EPHB1: variants seen among roughly 807,000 people sequenced by gnomAD.
The protein encoded by EPHB1 is EPH receptor B1.
EPHB1 carries 30 observed loss-of-function variants against 94.4 expected under a neutral mutation model. The observed-to-expected ratio is 0.32, with a 90% CI of 0.24 to 0.43. EPHB1 has a LOEUF of 0.43. Ranked by LOEUF, EPHB1 falls within the 20% of genes least tolerant of loss-of-function variation. The pLI is 1.00. For missense variants in EPHB1, 1,055 were observed against 1,308.3 expected (o/e 0.81, Z 2.99); for synonymous variants, 522 against 489.1 (o/e 1.07, Z -0.89).
intron 1 of EPHB1, among the ~76,000 whole-genome samples, chr3:134,841,897 C>T (rs1443805027): frequency 6.6e-6 from 1 of 151,950 alleles, no homozygotes; most frequent in African/African-American, 2.4e-5. Flanking sequence ...TTTGTTTTTT[C>T]CTGGCTGAAC....
intron 9 of EPHB1, among the ~76,000 whole-genome samples, chr3:135,174,117 A>G (rs949538665): frequency 6.6e-6 from 1 of 152,058 alleles, no homozygotes; most frequent in Non-Finnish European, 1.5e-5. Flanking sequence ...CCCCTTCCCC[A>G]CAGCACTGCA....
intron 3 of EPHB1, among the ~76,000 whole-genome samples, chr3:135,079,528 C>G (rs1938083202): frequency 6.6e-6 from 1 of 152,168 alleles, no homozygotes; most frequent in African/African-American, 2.4e-5. Context: ...CTGAAAGGCT[C>G]TGCTCTAAAA....
At chr3:135,010,558 G>GTTTT (rs58579496) in intron 3 of EPHB1, among the ~76,000 whole-genome samples, 3 of 110,392 alleles carry the variant, frequency 2.7e-5, no homozygotes, top group East Asian at 2.7e-4. Flanking sequence ...ATTTTTTTCT[G>GTTTT]TTTTTTTTTT....
In EPHB1 at chr3:135,061,679, G is replaced by A. The variant is rs560151281; in HGVS notation, c.806-44769G>A. On this transcript the variant is annotated intron_variant, in intron 3 of 15. Transcript: ENST00000398015. ...AGTTACATATGTATACATGTTCCAT[G>A]TGGGTGTGCTGCACCCATTAACTTG... Among the ~76,000 whole-genome samples, 9 of 151,804 alleles carry A rather than the reference G, an allele frequency of 5.9e-5. No homozygotes were observed. In the East Asian group the frequency reaches 1.4e-3, roughly 23 times the overall value.
At chr3:135,121,305 A>G (rs780901089) in intron 4 of EPHB1, among the ~76,000 whole-genome samples, 5 of 152,200 alleles carry the variant, frequency 3.3e-5, no homozygotes, top group Non-Finnish European at 7.4e-5. Flanking sequence ...GAATCTCCAC[A>G]CTTGCATCTG....
At chr3:134,860,542 C>T (rs2037231961) in intron 1 of EPHB1, among the ~76,000 whole-genome samples, 1 of 152,132 alleles carries the variant, frequency 6.6e-6, no homozygotes, top group African/African-American at 2.4e-5. Flanking sequence ...TGGCCGGGCG[C>T]GATGGCTCAC....
At chr3:134,795,734 C>T (rs1040753717) in intron 1 of EPHB1, 45 bp downstream of exon 1, 3 of 1,594,756 alleles carry the variant, frequency 1.9e-6, no homozygotes, top group Middle Eastern at 1.7e-4. Flanking sequence ...GTGCCGGCCG[C>T]CTTGGGACTG....
chr3:135,101,125 C>T (rs1939021142), intron 3 of EPHB1, among the ~76,000 whole-genome samples: 1 of 152,134 alleles, frequency 6.6e-6, no homozygotes, highest in African/African-American at 2.4e-5. Flanking sequence ...TTACCTTGTC[C>T]CATTGACAAA....
intron 3 of EPHB1, among the ~76,000 whole-genome samples, chr3:135,087,448 T>G (rs1449334667): frequency 6.6e-6 from 1 of 152,206 alleles, no homozygotes; most frequent in Non-Finnish European, 1.5e-5. Flanking sequence ...TGAAGTTTCA[T>G]AGGATTATAA....
At chr3:135,072,588 C>T (rs923661130) in intron 3 of EPHB1, among the ~76,000 whole-genome samples, 1 of 152,176 alleles carries the variant, frequency 6.6e-6, no homozygotes, top group African/African-American at 2.4e-5. Context: ...CCACCAGCCT[C>T]ACTCCTGCCT....
intron 3 of EPHB1, among the ~76,000 whole-genome samples, chr3:135,009,517 G>T (rs1935547501): frequency 6.6e-6 from 1 of 152,208 alleles, no homozygotes; most frequent in Non-Finnish European, 1.5e-5. Flanking sequence ...GCCTTGGTGA[G>T]CCCAAGCAGG....
At chr3:135,243,675 G>A (rs1943848992) in intron 13 of EPHB1, among the ~76,000 whole-genome samples, 2 of 152,270 alleles carry the variant, frequency 1.3e-5, no homozygotes, top group South Asian at 4.1e-4. Context: ...CAAGTTGGTG[G>A]TGGTAAAGGA....
intron 3 of EPHB1, among the ~76,000 whole-genome samples, chr3:134,963,188 CCTT>C (rs913269327): frequency 4.4e-5 from 6 of 135,984 alleles, no homozygotes; most frequent in Non-Finnish European, 9.5e-5. Context: ...CTTCCTTCTT[CCTT>C]CTTCTTCTGT....
rs78608013 is a variant in EPHB1, at chr3:134,997,871, G to T, written c.805+45819G>T. ...ACAGTAGAATGGTGTTCCCATTCCT[G>T]CAGTAGCTGGTATTTTCCCTATTCT... On this transcript the variant is annotated intron_variant, in intron 3 of 15. Transcript: ENST00000398015. 5.0e-3 allele frequency among the ~76,000 whole-genome samples: 758 copies of T among 152,292 alleles called. 3 individuals carry two copies. Among genetic ancestry groups the T allele is most frequent in the Non-Finnish European group, 7.8e-3 (530 of 68,020 alleles).
intron 4 of EPHB1, among the ~76,000 whole-genome samples, chr3:135,116,703 C>T (rs1246581157): frequency 2.0e-5 from 3 of 152,232 alleles, no homozygotes; most frequent in Admixed American, 6.5e-5. Context: ...GGGCCCCTGT[C>T]TGTACACCCA....
chr3:135,060,897 T>A (rs1200878721), intron 3 of EPHB1, among the ~76,000 whole-genome samples: 1 of 134,726 alleles, frequency 7.4e-6, no homozygotes, highest in African/African-American at 3.5e-5. Context: ...ATTCTTTCTA[T>A]TTTTTTTTTT....
At chr3:135,148,856 T>G (rs1941099832) in intron 5 of EPHB1, among the ~76,000 whole-genome samples, 1 of 152,224 alleles carries the variant, frequency 6.6e-6, no homozygotes, top group Non-Finnish European at 1.5e-5. Flanking sequence ...CCAGTGATGT[T>G]TTAATTCTCT....
intron 3 of EPHB1, among the ~76,000 whole-genome samples, chr3:135,041,884 T>TGAGA (rs59130159): frequency 2.6e-5 from 4 of 151,402 alleles, no homozygotes; most frequent in African/African-American, 4.8e-5. Flanking sequence ...CCTGCACACA[T>TGAGA]GAGAGAGAGA....
At chr3:135,257,201 CCTT>C (rs1453875281) in intron 15 of EPHB1, among the ~76,000 whole-genome samples, 20 of 152,114 alleles carry the variant, frequency 1.3e-4, no homozygotes, top group African/African-American at 4.3e-4. Context: ...TCGTCTGAAG[CCTT>C]CTTCTCTCAA....
Sources: gnomAD v4.1 joint callset for allele counts (sites outside exome capture counted in the v4.1 genomes callset) on GRCh38, gnomAD v4.1.1 for gene constraint, MANE v1.5 for transcripts, NCBI Gene and HGNC (gene_info 2026-07-23, HGNC 2026-07-21) for gene names.